Variants in SMG5 observed in about 807,000 individuals in gnomAD.
SMG5 encodes the protein nonsense-mediated mRNA decay factor SMG5.
A neutral mutation model predicts 122.9 loss-of-function variants in SMG5; 53 were observed. The ratio of observed to expected loss-of-function variants is 0.43; its 90% CI spans 0.35 to 0.54. The LOEUF is 0.54. SMG5 is among the 20% of genes least tolerant of loss of function. The pLI is 0.01. For missense variants in SMG5, 1,153 were observed against 1,285.6 expected (o/e 0.90, Z 1.58); for synonymous variants, 477 against 490.2 (o/e 0.97, Z 0.35).
chr1:156,276,376 C>T (rs1267527729), intron 4 of SMG5, among the ~76,000 whole-genome samples: 1 of 152,172 alleles, frequency 6.6e-6, no homozygotes, highest in Non-Finnish European at 1.5e-5. Context: ...ATCCACCTGC[C>T]TCGGCCTCTC....
chr1:156,266,273 G>T lies in SMG5; in HGVS notation c.1363C>A (p.Arg455Ser). ...GEGRKSRKFS[R>S]LSCLRRRRHP... Reference sequence around the variant, plus strand: ...CGGCGACGGCGGAGACAGGAGAGGCGAGAGAACTTACGGCTCTTTCTGCCC... The same window carrying T: ...CGGCGACGGCGGAGACAGGAGAGGCTAGAGAACTTACGGCTCTTTCTGCCC... The change falls in exon 12 of 22, where the codon CGC (arginine) becomes AGC (serine). Residue 455 changes from arginine to serine, a missense_variant. By Grantham distance (110) the Arg-to-Ser change is moderately radical. Coordinates refer to ENST00000361813, the MANE Select transcript of SMG5 (RefSeq NM_015327.3). 6.2e-7 allele frequency: 1 copy of T among 1,614,206 alleles called. No homozygotes were observed. Among genetic ancestry groups the T allele is most frequent in the Non-Finnish European group, 8.5e-7 (1 of 1,180,044 alleles).
intron 6 of SMG5, 26 bp downstream of exon 6, chr1:156,273,333 TCA>T: frequency 6.3e-7 from 1 of 1,598,300 alleles, no homozygotes; most frequent in Non-Finnish European, 8.6e-7. Flanking sequence ...CCTACTGGAT[TCA>T]GAGGCCCAAG....
intron 9 of SMG5, among the ~76,000 whole-genome samples, 162 bp downstream of exon 9, chr1:156,267,953 C>T (rs148632892): frequency 1.3e-5 from 2 of 152,076 alleles, no homozygotes; most frequent in South Asian, 2.1e-4. Context: ...GGGCATAGGA[C>T]CCTTGGGAGA....
At position 156,268,098 on chromosome 1, in the gene SMG5, T is replaced by TGGG; in HGVS notation, c.908+16_908+17insCCC. 1 of 1,613,616 alleles carries TGGG rather than the reference T, an allele frequency of 6.2e-7. No homozygotes were observed. The highest frequency in any genetic ancestry group is 1.1e-5 in the South Asian group (1 of 91,036). On this transcript the variant is annotated intron_variant, in intron 9 of 21. Coordinates refer to ENST00000361813, the MANE Select transcript of SMG5 (RefSeq NM_015327.3). ...GGGCTCACAGGATAGTTCAGGTTCA[T>TGGG]GCTCTCTTCCACTCACCTGCTTTTG...
At chr1:156,266,920 C>T (rs1261845239) in intron 10 of SMG5, among the ~76,000 whole-genome samples, 3 of 151,944 alleles carry the variant, frequency 2.0e-5, no homozygotes, top group East Asian at 1.9e-4. Context: ...GGATTACAGG[C>T]GTGAGGCACT....
chr1:156,278,804 G>A (rs932598840), intron 2 of SMG5, 132 bp downstream of exon 2: 5 of 717,768 alleles, frequency 7.0e-6, no homozygotes, highest in Non-Finnish European at 1.2e-5. Flanking sequence ...GAAGGCCAGA[G>A]ATTTCAGAGA....
intron 1 of SMG5, among the ~76,000 whole-genome samples, chr1:156,281,400 C>T (rs915497045): frequency 6.6e-6 from 1 of 152,230 alleles, no homozygotes; most frequent in African/African-American, 2.4e-5. Context: ...TGACACTCGG[C>T]AGCATGATAA....
At chr1:156,262,357 T>A (rs1275171603) in intron 13 of SMG5, among the ~76,000 whole-genome samples, 1 of 151,046 alleles carries the variant, frequency 6.6e-6, no homozygotes, top group Non-Finnish European at 1.5e-5. Context: ...GCGCCTGTAG[T>A]CCCAGCTACT....
intron 6 of SMG5, 150 bp downstream of exon 6, chr1:156,273,211 G>A (rs1037509928): frequency 2.9e-5 from 19 of 649,910 alleles, no homozygotes; most frequent in Non-Finnish European, 5.5e-6. Context: ...TGTTACAAGA[G>A]GGAAAAGGTA....
rs545691138 is a variant in SMG5, at chr1:156,273,306, G to A, written c.634+55C>T. The stretch of plus-strand genomic sequence containing the variant: ...AACTGCCTGCCATCTCAACAACATC[G>A]TCTTCCCTAGGAAAACCCTACTGGA... On this transcript the variant is annotated intron_variant, in intron 6 of 21. Coordinates refer to ENST00000361813, the MANE Select transcript of SMG5 (RefSeq NM_015327.3). 2.8e-5 allele frequency: 40 copies of A among 1,450,572 alleles called. No homozygotes were observed. In the South Asian group the frequency reaches 3.8e-4, roughly 14 times the overall value. 89.9% of individuals were successfully genotyped at this position (1,450,572 alleles called of 1,614,324 possible). A position where few individuals can be genotyped will look rare whatever the true frequency, so the allele number is the denominator to read the frequency against.
intron 16 of SMG5, among the ~76,000 whole-genome samples, chr1:156,256,125 TG>T (rs1661566331): frequency 1.3e-5 from 2 of 152,032 alleles, no homozygotes; most frequent in Non-Finnish European, 1.5e-5. Context: ...CAGACATTAG[TG>T]GGAAGACTAG....
intron 1 of SMG5, among the ~76,000 whole-genome samples, chr1:156,280,023 A>T (rs754610889): frequency 6.6e-6 from 1 of 152,218 alleles, no homozygotes; most frequent in African/African-American, 2.4e-5. Context: ...TAATACATAA[A>T]GCACCCATAA....
intron 3 of SMG5, 76 bp from the exon 4 acceptor site, chr1:156,277,317 T>C (rs1235145449): frequency 3.2e-5 from 48 of 1,494,244 alleles, no homozygotes; most frequent in Non-Finnish European, 4.3e-5. Context: ...ACCCTGTTCA[T>C]CTCACTTGGC....
intron 10 of SMG5, 98 bp downstream of exon 10, chr1:156,267,372 G>A: frequency 8.0e-7 from 1 of 1,242,336 alleles, no homozygotes; most frequent in Non-Finnish European, 1.1e-6. Context: ...TGAAGAGGCT[G>A]CTTGTGGAAG....
chr1:156,284,412 A>G (rs1663087307), upstream of SMG5: 1 of 152,204 alleles, frequency 6.6e-6, no homozygotes, highest in Non-Finnish European at 1.5e-5. Flanking sequence ...GGAAAGTAAG[A>G]GGATGTCATG....
intron 4 of SMG5, 127 bp from the exon 5 acceptor site, chr1:156,274,813 C>A (rs1018838939): frequency 2.8e-6 from 2 of 702,706 alleles, no homozygotes; most frequent in East Asian, 3.1e-5. Flanking sequence ...TCTTTCAGGG[C>A]AGAGACACAC....
chr1:156,253,292 G>A (rs1048293413), intron 17 of SMG5, among the ~76,000 whole-genome samples, 157 bp downstream of exon 17: 2 of 152,176 alleles, frequency 1.3e-5, no homozygotes, highest in Non-Finnish European at 2.9e-5. Flanking sequence ...AAATGGCTGA[G>A]TGAAGAGTGA....
At position 156,250,474 on chromosome 1, in the gene SMG5, G is replaced by A. The variant is rs1661296616; in HGVS notation, c.*113C>T. On this transcript the variant is annotated 3_prime_UTR_variant, in exon 22 of 22. Transcript: ENST00000361813. ...CTCTGAGCAGCTAGGCCTCCCTCCT[G>A]TGTGCGTGCATGAGTCTGCGTGTGG... 3 of 923,574 alleles carry A rather than the reference G, an allele frequency of 3.2e-6. No individual in the cohort carries two copies. The African/African-American group carries it at 4.9e-5, about 15-fold the overall frequency. The allele number at this position is 923,574 out of a possible 1,614,324, so 57.2% of individuals were successfully genotyped here. A position where few individuals can be genotyped will look rare whatever the true frequency, so the allele number is the denominator to read the frequency against.
At chr1:156,283,788 T>C (rs1663069434), upstream of SMG5, among the ~76,000 whole-genome samples, 1 of 152,032 alleles carries the variant, frequency 6.6e-6, no homozygotes, top group African/African-American at 2.4e-5. Flanking sequence ...TGTTCCTCTG[T>C]CTGTAACACT....
Sources: allele counts gnomAD v4.1 joint callset (sites outside exome capture counted in the v4.1 genomes callset), GRCh38; gene constraint gnomAD v4.1.1; transcripts MANE v1.5; gene names NCBI Gene and HGNC (gene_info 2026-07-23, HGNC 2026-07-21).